Variants in SLC9A1 observed in about 807,000 individuals in gnomAD.
SLC9A1 encodes sodium/hydrogen exchanger 1.
SLC9A1 carries 22 observed loss-of-function variants against 67.9 expected under a neutral mutation model. That is an observed-to-expected ratio of 0.32 (90% CI 0.23 to 0.46). The LOEUF is 0.46. Ranked by LOEUF, SLC9A1 falls within the 20% of genes least tolerant of loss-of-function variation. SLC9A1 has a pLI of 1.00. For synonymous variants in SLC9A1, 421 were observed against 471.8 expected (o/e 0.89, Z 1.40); for missense variants, 686 against 1,094.8 (o/e 0.63, Z 5.27).
At chr1:27,142,753 G>T (rs2083460251) in intron 1 of SLC9A1, among the ~76,000 whole-genome samples, 1 of 152,202 alleles carries the variant, frequency 6.6e-6, no homozygotes, top group Non-Finnish European at 1.5e-5. Context: ...GGCGGAGCAT[G>T]TTGCATCTGC....
At position 27,154,342 on chromosome 1, in the gene SLC9A1, C is replaced by T; in HGVS notation, c.-8G>A. On this transcript the variant is annotated 5_prime_UTR_variant, in exon 1 of 12. Transcript: ENST00000263980. ...GCCAGACCGCAGAACCATGGTGCTGCTTCCAGAGCCAGCCTCGACCTTACC... is the reference window on the plus strand; with the variant it reads ...GCCAGACCGCAGAACCATGGTGCTGTTTCCAGAGCCAGCCTCGACCTTACC... 1 of 1,559,774 alleles carries T rather than the reference C, an allele frequency of 6.4e-7. No homozygotes were observed. Among genetic ancestry groups the T allele is most frequent in the Non-Finnish European group, 8.7e-7 (1 of 1,147,396 alleles).
intron 7 of SLC9A1, 26 bp from the exon 8 acceptor site, chr1:27,102,584 T>C (rs752990318): frequency 9.3e-6 from 15 of 1,609,422 alleles, no homozygotes; most frequent in Non-Finnish European, 1.2e-5. Context: ...GGGAGACGGA[T>C]GGCGCCAGCT....
At chr1:27,103,083 C>T (rs565332137) in intron 6 of SLC9A1, 140 bp downstream of exon 6, 5 of 697,896 alleles carry the variant, frequency 7.2e-6, no homozygotes, top group East Asian at 2.7e-5. Context: ...TAGACCCTGG[C>T]GGCCTCCTGG....
chr1:27,132,954 T>C (rs1190491353), intron 1 of SLC9A1, among the ~76,000 whole-genome samples: 1 of 151,880 alleles, frequency 6.6e-6, no homozygotes, highest in Admixed American at 6.6e-5. Flanking sequence ...CCCGGGAGAG[T>C]GGGACCCACC....
Position 27,101,842 on chromosome 1 carries a change from C to T in SLC9A1, c.1936-16G>A, listed in dbSNP as rs41291060. On this transcript the variant is annotated splice_polypyrimidine_tract_variant and intron_variant, in intron 9 of 11. Transcript: ENST00000263980. This position sits in a 1 kb window ranked among gnomAD's most constrained non-coding sequence, Gnocchi z 4.9. ...AGGACCGCAGCTGTGGGAGGGACAG[C>T]GTCAGGGCAGTGCGGGCCCCGGAAG... is the stretch of plus-strand genomic sequence containing the variant. 2,762 of 1,593,896 alleles carry T rather than the reference C, an allele frequency of 1.7e-3. 8 individuals carry two copies. The highest frequency in any genetic ancestry group is 2.1e-3 in the Non-Finnish European group (2,417 of 1,164,278).
chr1:27,142,032 CTGTAAGGACCAG>C (rs924995700), intron 1 of SLC9A1, among the ~76,000 whole-genome samples: 31 of 152,330 alleles, frequency 2.0e-4, no homozygotes, highest in African/African-American at 7.2e-4. Flanking sequence ...CTTGGCTCCC[CTGTAAGGACCAG>C]TGTAAGGACC....
intron 1 of SLC9A1, among the ~76,000 whole-genome samples, chr1:27,117,814 C>T (rs920777779): frequency 2.6e-5 from 4 of 152,176 alleles, no homozygotes; most frequent in Non-Finnish European, 4.4e-5. Context: ...GTGTCTCAAA[C>T]CGGTAGCAGA....
At chr1:27,123,027 C>T (rs936207550) in intron 1 of SLC9A1, among the ~76,000 whole-genome samples, 11 of 151,088 alleles carry the variant, frequency 7.3e-5, no homozygotes, top group Admixed American at 4.6e-4. Context: ...CTCAGGGGGT[C>T]GGCTTTACTT....
At chr1:27,127,809 T>C (rs1214130623) in intron 1 of SLC9A1, among the ~76,000 whole-genome samples, 1 of 152,126 alleles carries the variant, frequency 6.6e-6, no homozygotes, top group African/African-American at 2.4e-5. Flanking sequence ...CCCTCCATCC[T>C]ACCTCCAAAT....
At position 27,107,638 on chromosome 1, in the gene SLC9A1, T is replaced by C; in HGVS notation, c.1282+10A>G. The C allele has an allele frequency of 2.7e-6, 3 of 1,125,796 alleles. No individual in the cohort carries two copies. Among genetic ancestry groups the C allele is most frequent in the Non-Finnish European group, 2.4e-6 (2 of 824,040 alleles). 69.7% of individuals were successfully genotyped at this position (1,125,796 alleles called of 1,614,324 possible). ...CACAACCCCCACCCCGCCCCAGCCC[T>C]GGCCCTCACCCAGCACGCGGGCGAT... On this transcript the variant is annotated intron_variant, in intron 4 of 11. Coordinates refer to ENST00000263980, the MANE Select transcript of SLC9A1 (RefSeq NM_003047.5).
At chr1:27,129,353 A>T (rs1341446086) in intron 1 of SLC9A1, among the ~76,000 whole-genome samples, 1 of 152,136 alleles carries the variant, frequency 6.6e-6, no homozygotes, top group Non-Finnish European at 1.5e-5. Context: ...CACACTGGGG[A>T]TAGTTTGTCA....
At chr1:27,153,358 G>A (rs991373517) in intron 1 of SLC9A1, among the ~76,000 whole-genome samples, 1 of 152,130 alleles carries the variant, frequency 6.6e-6, no homozygotes, top group African/African-American at 2.4e-5. Context: ...GCATTCCTGG[G>A]CCGGAAATTG....
chr1:27,102,741 G>A lies in SLC9A1; in HGVS notation c.1578C>T (p.Phe526=). ...RSINEEIHTQ[F]LDHLLTGIED... ...CGATGCCTGTCAGAAGGTGGTCCAG[G>A]AACTGAAAGGGGCCCAGGGCCAAGT... The change falls in exon 7 of 12, where the codon TTC becomes TTT. Residue 526 remains phenylalanine (F), a splice_region_variant and synonymous_variant. Coordinates refer to ENST00000263980, the MANE Select transcript of SLC9A1 (RefSeq NM_003047.5). The A allele has an allele frequency of 6.2e-7, 1 of 1,613,458 alleles. No individual in the cohort carries two copies. The highest frequency in any genetic ancestry group is 1.3e-5 in the African/African-American group (1 of 75,034).
At position 27,135,304 on chromosome 1, in the gene SLC9A1, T is replaced by C. The variant is rs538047669; in HGVS notation, c.352+18679A>G. 1.1e-3 allele frequency among the ~76,000 whole-genome samples: 162 copies of C among 152,116 alleles called. 1 individual carries two copies. The highest frequency in any genetic ancestry group is 3.7e-3 in the African/African-American group (155 of 41,502). On this transcript the variant is annotated intron_variant, in intron 1 of 11. Coordinates refer to ENST00000263980, the MANE Select transcript of SLC9A1 (RefSeq NM_003047.5). ...CCAGGTTCAAATGATGCTCCCACCT[T>C]GGTCTCCCAAAGTGCTGGGATTACA...
At chr1:27,121,685 C>T (rs1004819877) in intron 1 of SLC9A1, among the ~76,000 whole-genome samples, 23 of 152,126 alleles carry the variant, frequency 1.5e-4, no homozygotes, top group African/African-American at 5.1e-4. Context: ...CAATGCATAG[C>T]CTCTCCCTCT....
intron 1 of SLC9A1, among the ~76,000 whole-genome samples, chr1:27,149,783 C>A (rs975572359): frequency 6.6e-5 from 10 of 152,218 alleles, no homozygotes; most frequent in African/African-American, 2.2e-4. Flanking sequence ...GCATCAGGAG[C>A]AGAACCCAGG....
rs2083139830 is a variant in SLC9A1, at chr1:27,101,127, T to A, written c.2110+76A>T. On this transcript the variant is annotated intron_variant, in intron 11 of 11. Transcript: ENST00000263980. The surrounding 1 kb of genome is among the most constrained non-coding windows in gnomAD (Gnocchi z 4.9). ...GCCTGTCCTCCCAGTGGCTGAGGAC[T>A]GTTCCTGTGGAGCCCCATCCTCAGG... The A allele has an allele frequency of 2.3e-5, 26 of 1,147,122 alleles. No homozygotes were observed. Among genetic ancestry groups the A allele is most frequent in the Non-Finnish European group, 3.2e-5 (25 of 779,958 alleles). The allele number at this position is 1,147,122 out of a possible 1,614,324, so 71.1% of individuals were successfully genotyped here.
intron 1 of SLC9A1, among the ~76,000 whole-genome samples, chr1:27,131,947 A>AAAAAAAAAAAAAAATATATAT: frequency 1.3e-4 from 7 of 52,120 alleles, no homozygotes; most frequent in African/African-American, 3.8e-4. Context: ...AGAAAAAAAA[A>AAAAAAAAAAAAAAATATATAT]ATATATATAT....
At chr1:27,150,977 C>T (rs1230770822) in intron 1 of SLC9A1, among the ~76,000 whole-genome samples, 3 of 152,334 alleles carry the variant, frequency 2.0e-5, no homozygotes, top group African/African-American at 7.2e-5. Flanking sequence ...CCAAAATCAG[C>T]TCCCAGGCTC....
Sources: gnomAD v4.1 joint callset for allele counts (sites outside exome capture counted in the v4.1 genomes callset) on GRCh38, gnomAD v4.1.1 for gene constraint, Gnocchi (gnomAD v3.1) non-coding constraint, MANE v1.5 for transcripts, NCBI Gene and HGNC (gene_info 2026-07-23, HGNC 2026-07-21) for gene names.